The following RASSF3 variants were observed in gnomAD, a reference collection of about 807,000 sequenced individuals.
RASSF3 encodes the protein ras association domain-containing protein 3.
Under a neutral mutation model 19.9 loss-of-function variants are expected in RASSF3, and 19 were observed. The ratio of observed to expected loss-of-function variants is 0.96; its 90% confidence interval spans 0.67 to 1.40. The LOEUF (loss-of-function observed/expected upper bound fraction) is 1.40, where lower values mean the gene tolerates loss of function less well. RASSF3 is among the 40% of genes most tolerant of loss of function. The probability of loss-of-function intolerance (pLI) is 0.00; values close to 1 mark genes in which losing one functional copy is unlikely to be tolerated. For missense variants in RASSF3, 306 were observed against 289.8 expected (o/e 1.06, Z -0.41); for synonymous variants, 110 against 104.2 (o/e 1.06, Z -0.34).
chr12:64,652,368 TA>T (rs1871989388), intron 1 of RASSF3, among the ~76,000 whole-genome samples: 1 of 152,104 alleles, frequency 6.6e-6, no homozygotes, highest in Non-Finnish European at 1.5e-5. Context: ...GCTTTTTTTT[TA>T]AACACGTCTG....
upstream of RASSF3, among the ~76,000 whole-genome samples, chr12:64,605,757 G>T (rs566742031): frequency 2.0e-5 from 3 of 152,098 alleles, no homozygotes; most frequent in South Asian, 6.2e-4. Flanking sequence ...GGGTAGTGGC[G>T]CATGCCTGTA....
At chr12:64,686,695 C>T (rs913772017) in intron 2 of RASSF3, among the ~76,000 whole-genome samples, 2 of 152,040 alleles carry the variant, frequency 1.3e-5, no homozygotes, top group African/African-American at 2.4e-5. Flanking sequence ...GGCATGGTGG[C>T]GGGTGCCTGC....
intron 2 of RASSF3, among the ~76,000 whole-genome samples, chr12:64,596,005 A>G (rs1187251194): frequency 6.6e-6 from 1 of 152,184 alleles, no homozygotes; most frequent in African/African-American, 2.4e-5. Context: ...CACCTGACCT[A>G]ACTTGTTTGA....
chr12:64,634,766 A>T (rs1473222470), intron 1 of RASSF3, among the ~76,000 whole-genome samples: 5 of 42,964 alleles, frequency 1.2e-4, no homozygotes, highest in African/African-American at 5.2e-4. Flanking sequence ...ATCTCATAAA[A>T]AAAAAAAAAA....
chr12:64,688,335 T>A lies in RASSF3; in HGVS notation c.339T>A (p.Leu113=). Residue 113 remains leucine, a synonymous_variant, in exon 3 of 5, where the codon CTT becomes CTA. Transcript: ENST00000542104. ...SPSSNGCMNT[L]HISSTNTVGE... Reference sequence around the variant, plus strand: ...GTAGCAATGGCTGTATGAATACACTTCATATCAGCAGCACAAACACTGTCG... The same window carrying A: ...GTAGCAATGGCTGTATGAATACACTACATATCAGCAGCACAAACACTGTCG... 1 of 1,614,140 alleles carries A rather than the reference T, an allele frequency of 6.2e-7. No homozygotes were observed. The highest frequency in any genetic ancestry group is 8.5e-7 in the Non-Finnish European group (1 of 1,180,012).
chr12:64,606,626 C>T (rs1291154396), upstream of RASSF3, among the ~76,000 whole-genome samples: 1 of 152,004 alleles, frequency 6.6e-6, no homozygotes, highest in African/African-American at 2.4e-5. Flanking sequence ...ACCAGCCTGG[C>T]CAACATGGTG....
At chr12:64,548,697 C>T (rs1246310044) in intron 2 of RASSF3, among the ~76,000 whole-genome samples, 2 of 152,324 alleles carry the variant, frequency 1.3e-5, no homozygotes, top group East Asian at 3.9e-4. Flanking sequence ...CCCTTTCCAG[C>T]AGTTCACAAA....
At chr12:64,694,683 T>C in intron 4 of RASSF3, 80 bp from the exon 5 acceptor site, 1 of 1,517,118 alleles carries the variant, frequency 6.6e-7, no homozygotes, top group Non-Finnish European at 9.0e-7. Flanking sequence ...CAGCCGCACC[T>C]CTGGGAGCTC....
intron 2 of RASSF3, among the ~76,000 whole-genome samples, chr12:64,602,318 C>T (rs924143357): frequency 3.4e-5 from 5 of 148,058 alleles, no homozygotes; most frequent in African/African-American, 1.2e-4. Flanking sequence ...TGGTGGCTCA[C>T]GCCTGTAATC....
At chr12:64,573,014 C>G (rs1441542769) in intron 2 of RASSF3, among the ~76,000 whole-genome samples, 2 of 152,190 alleles carry the variant, frequency 1.3e-5, no homozygotes, top group Admixed American at 1.3e-4. Context: ...GGATTATAAG[C>G]ATGAACCACT....
At chr12:64,659,887 G>C (rs1406262953) in intron 1 of RASSF3, among the ~76,000 whole-genome samples, 1 of 152,020 alleles carries the variant, frequency 6.6e-6, no homozygotes, top group African/African-American at 2.4e-5. Flanking sequence ...AGCGGAGGTT[G>C]CAGTGAGCTG....
chr12:64,548,378 A>G (rs1293817283), intron 2 of RASSF3, among the ~76,000 whole-genome samples: 1 of 151,758 alleles, frequency 6.6e-6, no homozygotes, highest in African/African-American at 2.4e-5. Context: ...TTTGTAGAGA[A>G]GAGGTCTCAC....
chr12:64,618,878 CACTGG>C (rs1173683986), intron 1 of RASSF3, among the ~76,000 whole-genome samples: 2 of 151,672 alleles, frequency 1.3e-5, no homozygotes, highest in African/African-American at 2.4e-5. Flanking sequence ...GAAAAATACA[CACTGG>C]ATTTTGAAGA....
At chr12:64,547,771 C>G (rs958213381) in intron 2 of RASSF3, among the ~76,000 whole-genome samples, 1 of 152,132 alleles carries the variant, frequency 6.6e-6, no homozygotes, top group Non-Finnish European at 1.5e-5. Context: ...TCTTCCCCCC[C>G]ACAACCTTGA....
chr12:64,514,912 A>T (rs1375620510), intron 1 of RASSF3, among the ~76,000 whole-genome samples: 2 of 151,860 alleles, frequency 1.3e-5, no homozygotes, highest in African/African-American at 4.8e-5. Context: ...AATTTGTACT[A>T]CCTTGTTAGT....
intron 1 of RASSF3, among the ~76,000 whole-genome samples, chr12:64,659,951 CGTGTGTGTGTGT>C (rs200835780): frequency 6.9e-5 from 10 of 144,752 alleles, no homozygotes; most frequent in African/African-American, 1.3e-4. Context: ...TCATCTAATA[CGTGTGTGTGTGT>C]GTGTGTGTGT....
intron 2 of RASSF3, among the ~76,000 whole-genome samples, chr12:64,582,589 A>G (rs962663574): frequency 3.9e-5 from 6 of 152,134 alleles, no homozygotes; most frequent in African/African-American, 1.2e-4. Flanking sequence ...AGATTCCTGG[A>G]TATGGGACTT....
intron 1 of RASSF3, among the ~76,000 whole-genome samples, chr12:64,669,754 G>T (rs1872637014): frequency 6.6e-6 from 1 of 151,794 alleles, no homozygotes; most frequent in Non-Finnish European, 1.5e-5. Context: ...GGTGGAGCGG[G>T]AGGCCCTTTC....
intron 1 of RASSF3, among the ~76,000 whole-genome samples, chr12:64,641,414 A>ACACACACACACACACACACACGCGCG: frequency 2.1e-3 from 302 of 142,138 alleles, no homozygotes; most frequent in African/African-American, 8.0e-3. Context: ...ACACACACAC[A>ACACACACACACACACACACACGCGCG]CGCGCGCGCG....
Sources: allele counts gnomAD v4.1 joint callset (sites outside exome capture counted in the v4.1 genomes callset), GRCh38; gene constraint gnomAD v4.1.1; transcripts MANE v1.5; gene names NCBI Gene and HGNC (gene_info 2026-07-23, HGNC 2026-07-21).